Variants in ASPRV1 observed in about 807,000 individuals in gnomAD.
ASPRV1 encodes the protein retroviral-like aspartic protease 1.
Under a neutral mutation model 11.0 loss-of-function variants are expected in ASPRV1, and 7 were observed. The ratio of observed to expected loss-of-function variants is 0.64; its 90% CI spans 0.36 to 1.20. The LOEUF is 1.20. Among genes scored for constraint, ASPRV1 ranks in the 50% most tolerant of loss-of-function variants. The pLI, the probability that ASPRV1 is intolerant of heterozygous loss-of-function variation, is 0.02. For synonymous variants in ASPRV1, 136 were observed against 138.4 expected (o/e 0.98, Z 0.12); for missense variants, 299 against 320.0 (o/e 0.93, Z 0.50).
the ASPRV1 span, among the ~76,000 whole-genome samples, chr2:70,085,034 G>A: frequency 1.3e-5 from 2 of 152,332 alleles, no homozygotes; most frequent in Admixed American, 6.5e-5. Context: ...CACTAGCTAC[G>A]TGTTGCATTG....
the ASPRV1 span, among the ~76,000 whole-genome samples, chr2:70,053,379 C>A: frequency 1.3e-5 from 2 of 152,062 alleles, no homozygotes; most frequent in African/African-American, 4.8e-5. Context: ...GGTATAGGCA[C>A]ATGAGTGGAG....
At chr2:70,013,654 C>G in the ASPRV1 span, among the ~76,000 whole-genome samples, 1 of 152,156 alleles carries the variant, frequency 6.6e-6, no homozygotes, top group African/African-American at 2.4e-5. Context: ...CTTTGGGAGG[C>G]CAAGGTGGGT....
chr2:70,022,024 G>C, the ASPRV1 span, among the ~76,000 whole-genome samples: 4 of 149,796 alleles, frequency 2.7e-5, no homozygotes, highest in Non-Finnish European at 4.4e-5. Context: ...GTTTTGTTTT[G>C]TTTTGTTTGA....
chr2:69,999,654 T>TGAAAAAA, the ASPRV1 span, among the ~76,000 whole-genome samples: 1 of 73,910 alleles, frequency 1.4e-5, no homozygotes, highest in East Asian at 4.4e-4. Flanking sequence ...AGACTCTGTC[T>TGAAAAAA]CAAAAAAAAA....
the ASPRV1 span, among the ~76,000 whole-genome samples, chr2:70,068,357 GAAGA>G: frequency 6.6e-6 from 1 of 152,214 alleles, no homozygotes; most frequent in African/African-American, 2.4e-5. Context: ...GGAGTGGGTT[GAAGA>G]AAGAGCTAGT....
At chr2:70,084,612 A>G in the ASPRV1 span, among the ~76,000 whole-genome samples, 1 of 152,250 alleles carries the variant, frequency 6.6e-6, no homozygotes, top group African/African-American at 2.4e-5. Flanking sequence ...GTTTTTAATC[A>G]CTTTATAATG....
At chr2:70,086,324 C>T in the ASPRV1 span, 4 of 152,204 alleles carry the variant, frequency 2.6e-5, no homozygotes, top group African/African-American at 9.7e-5. Context: ...GGCGGAGTAG[C>T]GCCACGTTAG....
chr2:69,986,130 G>A, the ASPRV1 span, among the ~76,000 whole-genome samples: 3 of 152,192 alleles, frequency 2.0e-5, no homozygotes, highest in African/African-American at 4.8e-5. Context: ...GGACACAGAT[G>A]TGCCCATCCA....
At chr2:70,063,750 T>C in the ASPRV1 span, 3 of 152,212 alleles carry the variant, frequency 2.0e-5, no homozygotes, top group South Asian at 4.1e-4. Flanking sequence ...ACTCAAATCC[T>C]TGTATGTCAA....
At chr2:69,981,625 C>T in the ASPRV1 span, among the ~76,000 whole-genome samples, 4 of 152,182 alleles carry the variant, frequency 2.6e-5, no homozygotes, top group Non-Finnish European at 5.9e-5. Context: ...GGCGCGATCT[C>T]GGCTCACTGC....
At chr2:70,063,032 C>T in the ASPRV1 span, among the ~76,000 whole-genome samples, 2 of 152,122 alleles carry the variant, frequency 1.3e-5, no homozygotes, top group Non-Finnish European at 1.5e-5. Flanking sequence ...GACTAGATGA[C>T]CAGGCCATAG....
the ASPRV1 span, among the ~76,000 whole-genome samples, chr2:70,034,134 G>A: frequency 3.1e-3 from 384 of 124,552 alleles, 1 homozygote; most frequent in Non-Finnish European, 4.2e-3. Flanking sequence ...CAGCCTGAGC[G>A]ACAGCGAGAC....
chr2:70,016,751 T>A, the ASPRV1 span, among the ~76,000 whole-genome samples: 1 of 151,402 alleles, frequency 6.6e-6, no homozygotes, highest in Non-Finnish European at 1.5e-5. Flanking sequence ...GGCTGAGGCA[T>A]GAGAATTGCT....
At chr2:70,063,731 T>C in the ASPRV1 span, among the ~76,000 whole-genome samples, 2 of 152,202 alleles carry the variant, frequency 1.3e-5, no homozygotes, top group Non-Finnish European at 2.9e-5. Context: ...GAAAGTAATA[T>C]ACACTCTCAC....
At chr2:69,950,126 G>C in the ASPRV1 span, among the ~76,000 whole-genome samples, 11 of 152,212 alleles carry the variant, frequency 7.2e-5, no homozygotes, top group Non-Finnish European at 1.6e-4. Flanking sequence ...AGCACATATA[G>C]ATGTAAAAGT....
At chr2:70,039,444 G>A in the ASPRV1 span, among the ~76,000 whole-genome samples, 4 of 152,200 alleles carry the variant, frequency 2.6e-5, no homozygotes, top group Admixed American at 2.6e-4. Flanking sequence ...CTTGCTGTAA[G>A]TTGAAGAATG....
the ASPRV1 span, among the ~76,000 whole-genome samples, chr2:69,951,492 T>C: frequency 1.3e-5 from 2 of 148,354 alleles, no homozygotes; most frequent in African/African-American, 5.0e-5. Flanking sequence ...TGTATATCTA[T>C]ATGTATATTT....
At chr2:69,949,590 G>A in the ASPRV1 span, among the ~76,000 whole-genome samples, 61 of 152,276 alleles carry the variant, frequency 4.0e-4, no homozygotes, top group South Asian at 6.2e-4. Flanking sequence ...CAGCCCAAAG[G>A]ACAATTTGGT....
At chr2:69,953,534 G>C in the ASPRV1 span, among the ~76,000 whole-genome samples, 1 of 152,152 alleles carries the variant, frequency 6.6e-6, no homozygotes, top group East Asian at 1.9e-4. Flanking sequence ...ACTGCGACTG[G>C]GCAGTTACGA....
Sources: gnomAD v4.1 joint callset for allele counts (sites outside exome capture counted in the v4.1 genomes callset) on GRCh38, gnomAD v4.1.1 for gene constraint, MANE v1.5 for transcripts, NCBI Gene and HGNC (gene_info 2026-07-23, HGNC 2026-07-21) for gene names.